The following DLG2 variants were observed in gnomAD, a reference collection of about 807,000 sequenced individuals.
The protein encoded by DLG2 is discs large MAGUK scaffold protein 2.
DLG2 carries 45 observed loss-of-function variants against 132.5 expected under a neutral mutation model. The observed-to-expected ratio is 0.34, with a 90% CI of 0.27 to 0.44. The LOEUF (loss-of-function observed/expected upper bound fraction) is 0.44. Ranked by LOEUF, DLG2 falls within the 20% of genes least tolerant of loss-of-function variation. The probability of loss-of-function intolerance (pLI) is 1.00; values close to 1 mark genes in which losing one functional copy is unlikely to be tolerated. For synonymous variants in DLG2, 424 were observed against 419.6 expected, an observed-to-expected ratio of 1.01 and a Z score of -0.13; for missense variants, 1,045 against 1,196.9, an observed-to-expected ratio of 0.87 and a Z score of 1.87.
chr11:84,213,743 C>T (rs1464973195), intron 8 of DLG2, among the ~76,000 whole-genome samples: 1 of 148,700 alleles, frequency 6.7e-6, no homozygotes. Flanking sequence ...GGCGTGAACC[C>T]GAGAGGCGGA....
At chr11:84,654,392 A>G (rs1266820464) in intron 6 of DLG2, among the ~76,000 whole-genome samples, 1 of 152,164 alleles carries the variant, frequency 6.6e-6, no homozygotes, top group Non-Finnish European at 1.5e-5. Context: ...ATTGCAGTCT[A>G]CCATTGATCA....
chr11:85,618,805 T>G (rs2081511108), intron 2 of DLG2, among the ~76,000 whole-genome samples: 1 of 152,198 alleles, frequency 6.6e-6, no homozygotes, highest in Admixed American at 6.5e-5. Context: ...TGTGCATACC[T>G]CACTGACTAG....
chr11:83,460,288 C>A (rs1291900706), intron 27 of DLG2, among the ~76,000 whole-genome samples: 1 of 152,074 alleles, frequency 6.6e-6, no homozygotes, highest in Non-Finnish European at 1.5e-5. Flanking sequence ...CTGAGAGCTC[C>A]CTATTTAGAA....
At chr11:85,538,604 T>C (rs2075764515) in intron 3 of DLG2, among the ~76,000 whole-genome samples, 1 of 151,922 alleles carries the variant, frequency 6.6e-6, no homozygotes, top group Non-Finnish European at 1.5e-5. Flanking sequence ...TGCCCATCAA[T>C]GATAAACTGG....
At chr11:84,194,459 G>T (rs764537741) in intron 8 of DLG2, among the ~76,000 whole-genome samples, 6 of 152,150 alleles carry the variant, frequency 3.9e-5, no homozygotes, top group Non-Finnish European at 7.3e-5. Flanking sequence ...TGAGCAGCAG[G>T]AAGACTTATT....
At chr11:83,841,979 A>G (rs1322117331) in intron 16 of DLG2, among the ~76,000 whole-genome samples, 1 of 152,242 alleles carries the variant, frequency 6.6e-6, no homozygotes, top group African/African-American at 2.4e-5. Flanking sequence ...AAGAGTAAGG[A>G]GCGGCCAGCC....
At chr11:85,349,864 G>A (rs2083144950) in intron 3 of DLG2, among the ~76,000 whole-genome samples, 1 of 152,066 alleles carries the variant, frequency 6.6e-6, no homozygotes, top group Non-Finnish European at 1.5e-5. Flanking sequence ...TAGTGCTGCA[G>A]TAAACATACG....
In DLG2 at chr11:85,078,483, G is replaced by A. The variant is rs114743204; in HGVS notation, c.357+33178C>T. On this transcript the variant is annotated intron_variant, in intron 6 of 27. Transcript: ENST00000376104. ...GGAGTGAAGTGAAGGAAAAGGGAAA[G>A]TAGTAAGACATATAGAAGGGGTACA... is the stretch of plus-strand genomic sequence containing the variant. Among the ~76,000 whole-genome samples, 557 of 151,940 alleles carry A rather than the reference G, an allele frequency of 3.7e-3. 3 individuals are homozygous for A. The highest frequency in any genetic ancestry group is 0.013 in the African/African-American group (545 of 41,460).
chr11:84,103,607 G>A (rs1473208252), intron 9 of DLG2, among the ~76,000 whole-genome samples: 1 of 152,026 alleles, frequency 6.6e-6, no homozygotes, highest in Admixed American at 6.6e-5. Context: ...TCTCTTAATT[G>A]TTCATATTTG....
intron 11 of DLG2, among the ~76,000 whole-genome samples, chr11:84,016,941 T>C (rs2095221652): frequency 6.6e-6 from 1 of 151,998 alleles, no homozygotes; most frequent in South Asian, 2.1e-4. Flanking sequence ...TTTGAGAACA[T>C]AGAGGAGAGT....
At chr11:84,133,985 T>C (rs1044799487) in intron 9 of DLG2, among the ~76,000 whole-genome samples, 1 of 152,088 alleles carries the variant, frequency 6.6e-6, no homozygotes, top group African/African-American at 2.4e-5. Flanking sequence ...CTAGCTCTAA[T>C]ATTTTCTGAT....
chr11:85,587,640 A>T (rs1229832594), intron 3 of DLG2, among the ~76,000 whole-genome samples: 2 of 152,156 alleles, frequency 1.3e-5, no homozygotes, highest in Admixed American at 1.3e-4. Flanking sequence ...GTGGATTTTT[A>T]TCCATGCTGC....
intron 6 of DLG2, among the ~76,000 whole-genome samples, chr11:85,012,850 G>A (rs1258188779): frequency 1.3e-5 from 2 of 152,070 alleles, no homozygotes; most frequent in East Asian, 3.9e-4. Flanking sequence ...TTGAATTCCA[G>A]CACTGACACT....
At chr11:85,610,725 T>A (rs1456856950) in intron 2 of DLG2, among the ~76,000 whole-genome samples, 2 of 152,208 alleles carry the variant, frequency 1.3e-5, no homozygotes, top group African/African-American at 2.4e-5. Flanking sequence ...GGCATCTAGG[T>A]CAAAGGCCCA....
chr11:85,384,009 G>C (rs2086118450), intron 3 of DLG2, among the ~76,000 whole-genome samples: 1 of 152,068 alleles, frequency 6.6e-6, no homozygotes, highest in Non-Finnish European at 1.5e-5. Flanking sequence ...TCAAAATCAG[G>C]TTCTGACTCT....
Position 83,955,862 on chromosome 11 carries a change from A to G in DLG2, c.1340+7023T>C, listed in dbSNP as rs868445262. Among the ~76,000 whole-genome samples, 4 of 151,926 alleles carry G rather than the reference A, an allele frequency of 2.6e-5. No individual in the cohort carries two copies. In the South Asian group the frequency reaches 8.3e-4, roughly 32 times the overall value. On this transcript the variant is annotated intron_variant, in intron 14 of 27. Transcript: ENST00000376104. The stretch of plus-strand genomic sequence containing the variant: ...AGACTCCAAGTTCTTCAGCTTTGGG[A>G]CTCTTGGACCTTTGACCACAGACTG...
intron 6 of DLG2, among the ~76,000 whole-genome samples, chr11:84,663,064 G>A (rs925109769): frequency 1.5e-4 from 23 of 151,762 alleles, no homozygotes; most frequent in African/African-American, 4.6e-4. Context: ...GTTTATTACC[G>A]GAAAATACAT....
At chr11:84,868,260 A>G (rs934818318) in intron 6 of DLG2, among the ~76,000 whole-genome samples, 4 of 151,434 alleles carry the variant, frequency 2.6e-5, no homozygotes, top group African/African-American at 9.7e-5. Context: ...AGTATCCAAT[A>G]AGGCTATCAA....
chr11:85,121,169 CCT>C (rs1348213501), intron 5 of DLG2, among the ~76,000 whole-genome samples: 4 of 151,966 alleles, frequency 2.6e-5, no homozygotes, highest in Non-Finnish European at 4.4e-5. Flanking sequence ...CTGCTGTGAA[CCT>C]CTTCCTAGAC....
Sources: gnomAD v4.1 joint callset for allele counts (sites outside exome capture counted in the v4.1 genomes callset) on GRCh38, gnomAD v4.1.1 for gene constraint, MANE v1.5 for transcripts, NCBI Gene and HGNC (gene_info 2026-07-23, HGNC 2026-07-21) for gene names.